Variants in MYBPC1 observed in about 807,000 individuals in gnomAD.
MYBPC1 encodes myosin-binding protein C, slow-type.
Under a neutral mutation model 147.1 loss-of-function variants are expected in MYBPC1, and 52 were observed. The ratio of observed to expected loss-of-function variants is 0.35; its 90% CI spans 0.28 to 0.45. The LOEUF is 0.45. MYBPC1 is among the 20% of genes least tolerant of loss of function. MYBPC1 has a pLI of 1.00. For missense variants in MYBPC1, 1,228 were observed against 1,440.3 expected, an observed-to-expected ratio of 0.85 and a Z score of 2.39; for synonymous variants, 477 against 475.9, an observed-to-expected ratio of 1.00 and a Z score of -0.03.
intron 15 of MYBPC1, 110 bp from the exon 16 acceptor site, chr12:101,651,121 C>A: frequency 8.4e-7 from 1 of 1,196,764 alleles, no homozygotes; most frequent in Non-Finnish European, 1.2e-6. Flanking sequence ...CAGCTTCTCA[C>A]TTTCAAAACA....
chr12:101,608,256 G>T (rs1483024694), intron 1 of MYBPC1, among the ~76,000 whole-genome samples: 1 of 152,196 alleles, frequency 6.6e-6, no homozygotes, highest in Non-Finnish European at 1.5e-5. Context: ...AGCTTTAGTT[G>T]TTGGTTCACA....
chr12:101,630,804 G>A (rs1889732003), intron 6 of MYBPC1, among the ~76,000 whole-genome samples: 1 of 152,158 alleles, frequency 6.6e-6, no homozygotes, highest in African/African-American at 2.4e-5. Context: ...GAGGACCTGA[G>A]GGTTGAAGAA....
At chr12:101,663,342 G>T (rs1437292932) in intron 21 of MYBPC1, 84 bp from the exon 22 acceptor site, 8 of 1,199,238 alleles carry the variant, frequency 6.7e-6, no homozygotes, top group African/African-American at 1.5e-5. Context: ...ATTTTTATTT[G>T]TATCCCCATT....
At chr12:101,665,509 C>A (rs544962741) in intron 22 of MYBPC1, among the ~76,000 whole-genome samples, 1 of 152,026 alleles carries the variant, frequency 6.6e-6, no homozygotes, top group African/African-American at 2.4e-5. Context: ...TTTTTTAATG[C>A]CTGCAGCATT....
At chr12:101,633,558 G>A (rs1204965092) in intron 8 of MYBPC1, among the ~76,000 whole-genome samples, 1 of 151,770 alleles carries the variant, frequency 6.6e-6, no homozygotes, top group East Asian at 2.0e-4. Flanking sequence ...GTGGTGGTGG[G>A]CACCTATAAT....
chr12:101,666,054 C>T (rs1897347937), intron 22 of MYBPC1: 1 of 146,156 alleles, frequency 6.8e-6, no homozygotes, highest in Non-Finnish European at 1.4e-5. Context: ...CTGAGAAAGT[C>T]ATCATCCCAA....
At chr12:101,650,294 C>T (rs903892877) in intron 15 of MYBPC1, among the ~76,000 whole-genome samples, 5 of 152,164 alleles carry the variant, frequency 3.3e-5, no homozygotes, top group African/African-American at 9.7e-5. Context: ...GTATGACACT[C>T]AAGAATTTTG....
At chr12:101,686,743 C>CT (rs932152878), downstream of MYBPC1, among the ~76,000 whole-genome samples, 12 of 152,186 alleles carry the variant, frequency 7.9e-5, no homozygotes, top group Middle Eastern at 3.4e-3. Flanking sequence ...CATATCTGCT[C>CT]TTTTTTCTTT....
At chr12:101,642,620 G>A (rs1284742515) in intron 11 of MYBPC1, 35 bp downstream of exon 11, 2 of 1,589,222 alleles carry the variant, frequency 1.3e-6, no homozygotes, top group South Asian at 2.3e-5. Context: ...GCGGCCGAGG[G>A]GCGTGGCAGC....
chr12:101,655,342 G>T (rs1186504614), intron 18 of MYBPC1, among the ~76,000 whole-genome samples: 1 of 152,018 alleles, frequency 6.6e-6, no homozygotes, highest in Non-Finnish European at 1.5e-5. Flanking sequence ...AAATGTCTCA[G>T]ATAAAAAATA....
At chr12:101,601,622 T>C (rs1401221836) in intron 1 of MYBPC1, among the ~76,000 whole-genome samples, 1 of 152,242 alleles carries the variant, frequency 6.6e-6, no homozygotes, top group African/African-American at 2.4e-5. Context: ...CTTGCCCTTT[T>C]ATACTCCCTT....
At chr12:101,605,733 A>G (rs951025882) in intron 1 of MYBPC1, among the ~76,000 whole-genome samples, 7 of 151,810 alleles carry the variant, frequency 4.6e-5, no homozygotes, top group African/African-American at 7.3e-5. Context: ...GTGGTGGTGG[A>G]CCCGTGTAAT....
rs573722246 is a variant in MYBPC1, at chr12:101,677,672, C to T, written c.3109+278C>T. ...TACCCCAGAGGCTGGAAGAAGTAGA[C>T]ATTTTCTTCTAGAGTTTCTACTTTT... On this transcript the variant is annotated intron_variant, in intron 27 of 31. Transcript: ENST00000361466. 2.0e-5 allele frequency among the ~76,000 whole-genome samples: 3 copies of T among 152,264 alleles called. No homozygotes were observed. The South Asian group carries it at 6.2e-4, about 32-fold the overall frequency.
chr12:101,607,719 ATAGT>A (rs1565885402), intron 1 of MYBPC1, among the ~76,000 whole-genome samples: 3 of 152,198 alleles, frequency 2.0e-5, no homozygotes, highest in African/African-American at 7.2e-5. Context: ...GGCCCATAAG[ATAGT>A]TAAGTAGGTC....
chr12:101,689,980 GC>G (rs1195075484), downstream of MYBPC1, among the ~76,000 whole-genome samples: 2 of 152,178 alleles, frequency 1.3e-5, no homozygotes, highest in Non-Finnish European at 2.9e-5. Flanking sequence ...TTGGAGACCA[GC>G]CTGGCCAACA....
intron 22 of MYBPC1, among the ~76,000 whole-genome samples, chr12:101,667,065 T>A (rs1206035079): frequency 6.6e-6 from 1 of 152,208 alleles, no homozygotes; most frequent in African/African-American, 2.4e-5. Flanking sequence ...CCCTGAATGC[T>A]GGGTTAAAAT....
intron 1 of MYBPC1, 110 bp downstream of exon 1, chr12:101,595,205 AC>A (rs1225660642): frequency 2.5e-5 from 25 of 1,014,462 alleles, no homozygotes; most frequent in Non-Finnish European, 3.8e-5. Flanking sequence ...AAATAAAATC[AC>A]TATGATTTAA....
intron 24 of MYBPC1, among the ~76,000 whole-genome samples, chr12:101,672,383 T>C (rs76121521): frequency 0.015 from 2,348 of 152,288 alleles, 66 homozygotes; most frequent in African/African-American, 0.054. Flanking sequence ...GCTTGGGGAT[T>C]CTAGGAAATT....
rs369557120 is a variant in MYBPC1 at position 101,632,015 on chromosome 12, T to C, written c.439-6T>C. 1 of 1,592,782 alleles carries C rather than the reference T, an allele frequency of 6.3e-7. No individual in the cohort carries two copies. The highest frequency in any genetic ancestry group is 1.3e-5 in the African/African-American group (1 of 74,556). On this transcript the variant is annotated splice_polypyrimidine_tract_variant and splice_region_variant and intron_variant, in intron 7 of 31. Coordinates refer to ENST00000361466, the MANE Select transcript of MYBPC1 (RefSeq NM_002465.4). ...AATGTGTGTGTCTGGATGCATTTCA[T>C]TGCAGGTGTACACATTTGAGATGCA...
Sources: gnomAD v4.1 joint callset for allele counts (sites outside exome capture counted in the v4.1 genomes callset) on GRCh38, gnomAD v4.1.1 for gene constraint, MANE v1.5 for transcripts, NCBI Gene and HGNC (gene_info 2026-07-23, HGNC 2026-07-21) for gene names.